Variants in RYR3 observed in about 807,000 individuals in gnomAD.
The protein encoded by RYR3 is brain ryanodine receptor-calcium release channel.
A neutral mutation model predicts 584.3 loss-of-function variants in RYR3; 207 were observed. That is an observed-to-expected ratio of 0.35 (90% confidence interval 0.32 to 0.40). RYR3 has a LOEUF of 0.40. Among genes scored for constraint, RYR3 ranks in the 10% least tolerant of loss-of-function variants. The pLI is 1.00. For synonymous variants in RYR3, 2,416 were observed against 2,248.5 expected (o/e 1.07, Z -2.11); for missense variants, 5,616 against 6,089.2 (o/e 0.92, Z 2.59).
intron 3 of RYR3, among the ~76,000 whole-genome samples, chr15:33,523,044 G>T (rs1227748404): frequency 6.6e-6 from 1 of 152,138 alleles, no homozygotes; most frequent in African/African-American, 2.4e-5. Flanking sequence ...AAGCCAGCTG[G>T]GCTTCTGGGT....
intron 67 of RYR3, among the ~76,000 whole-genome samples, chr15:33,793,358 C>T (rs1330761565): frequency 2.6e-5 from 4 of 152,118 alleles, no homozygotes; most frequent in Non-Finnish European, 4.4e-5. Context: ...AGACTGAACT[C>T]AATCTTCAGC....
At chr15:33,862,647 GTCACCCA>G (rs1888754982) in intron 102 of RYR3, among the ~76,000 whole-genome samples, 1 of 152,136 alleles carries the variant, frequency 6.6e-6, no homozygotes, top group Non-Finnish European at 1.5e-5. Flanking sequence ...GACAGTCTCT[GTCACCCA>G]GGCTGAAGTG....
chr15:33,589,822 T>A (rs2059037109), intron 16 of RYR3, among the ~76,000 whole-genome samples: 1 of 152,234 alleles, frequency 6.6e-6, no homozygotes, highest in African/African-American at 2.4e-5. Flanking sequence ...TTGATCCATG[T>A]GTCTATTTTT....
chr15:33,313,188 C>G (rs1035002439), intron 1 of RYR3, among the ~76,000 whole-genome samples: 1 of 152,114 alleles, frequency 6.6e-6, no homozygotes, highest in Non-Finnish European at 1.5e-5. Context: ...CTATGAGGCA[C>G]CTTAACATCT....
chr15:33,844,164 A>G (rs10519884), intron 92 of RYR3, among the ~76,000 whole-genome samples: 7,135 of 152,250 alleles, frequency 0.047, 230 homozygotes, highest in Non-Finnish European at 0.067. Context: ...ACTTAAAACC[A>G]CCAATCTAAT....
At chr15:33,847,866 G>A (rs578227676) in intron 93 of RYR3, among the ~76,000 whole-genome samples, 2 of 152,244 alleles carry the variant, frequency 1.3e-5, no homozygotes, top group East Asian at 3.9e-4. Context: ...TACATTGAAG[G>A]GAGTTGGAAC....
intron 1 of RYR3, among the ~76,000 whole-genome samples, chr15:33,317,902 C>T (rs567502310): frequency 6.6e-6 from 1 of 152,262 alleles, no homozygotes; most frequent in East Asian, 1.9e-4. Context: ...TCACCTTCCA[C>T]CTCCCTATAC....
At chr15:33,345,681 TGTG>T (rs1250919484) in intron 1 of RYR3, among the ~76,000 whole-genome samples, 3 of 151,966 alleles carry the variant, frequency 2.0e-5, no homozygotes, top group Non-Finnish European at 4.4e-5. Context: ...AGGAGAAGAG[TGTG>T]ACGCTCTCCA....
intron 1 of RYR3, among the ~76,000 whole-genome samples, chr15:33,346,256 G>A (rs1294081433): frequency 6.6e-6 from 1 of 152,180 alleles, no homozygotes; most frequent in Non-Finnish European, 1.5e-5. Flanking sequence ...CTGAGAGGGA[G>A]TTGGTCACAA....
At chr15:33,681,743 G>T (rs1056508633) in intron 38 of RYR3, among the ~76,000 whole-genome samples, 6 of 152,084 alleles carry the variant, frequency 3.9e-5, no homozygotes, top group African/African-American at 1.4e-4. Context: ...ATTATAAATT[G>T]CTTTCTAAGT....
chr15:33,736,920 T>A (rs568595765), intron 49 of RYR3, among the ~76,000 whole-genome samples: 89 of 152,170 alleles, frequency 5.8e-4, no homozygotes, highest in African/African-American at 2.0e-3. Flanking sequence ...AGCTAATTTT[T>A]GTGTGTTTGT....
chr15:33,773,178 A>G (rs942448913), intron 63 of RYR3, among the ~76,000 whole-genome samples: 18 of 152,230 alleles, frequency 1.2e-4, no homozygotes, highest in Admixed American at 1.2e-3. Flanking sequence ...CAAAGGAAGG[A>G]AATATTGCCC....
rs373854502 is a variant in RYR3 at position 33,810,496 on chromosome 15, G to A, written c.10044G>A (p.Gln3348=). 1.2e-6 allele frequency: 2 copies of A among 1,613,930 alleles called. No individual in the cohort carries two copies. Among genetic ancestry groups the A allele is most frequent in the African/African-American group, 1.3e-5 (1 of 74,936 alleles). The change falls in exon 71 of 104, where the codon CAG becomes CAA. Residue 3348 remains glutamine, a synonymous_variant. Coordinates refer to ENST00000634891, the MANE Select transcript of RYR3 (RefSeq NM_001036.6). ...AMQVKSGGQD[Q]ERKKTKRRGD... is the part of the protein sequence containing the mutation. The stretch of plus-strand genomic sequence containing the variant: ...TCTCCTAGTCTGGAGGACAAGACCA[G>A]GAGCGGAAGAAGACAAAGCGGCGGG...
chr15:33,748,043 C>T, intron 53 of RYR3, 71 bp from the exon 54 acceptor site: 1 of 1,467,666 alleles, frequency 6.8e-7, no homozygotes, highest in Non-Finnish European at 9.5e-7. Context: ...ATGCACCTTC[C>T]ATGCGGAGAT....
At position 33,705,644 on chromosome 15, in the gene RYR3, G is replaced by A. The variant is rs139293468; in HGVS notation, c.6484-1275G>A. Reference sequence around the variant, plus strand: ...TGTAAGATCCTAGCACAGAGATCTCGTGATAAGTGTCTGGTAACCTGGAAG... The same window carrying A: ...TGTAAGATCCTAGCACAGAGATCTCATGATAAGTGTCTGGTAACCTGGAAG... On this transcript the variant is annotated intron_variant, in intron 42 of 103. Coordinates refer to ENST00000634891, the MANE Select transcript of RYR3 (RefSeq NM_001036.6). Among the ~76,000 whole-genome samples, 318 of 152,338 alleles carry A rather than the reference G, an allele frequency of 2.1e-3. 2 individuals are homozygous for A. Among genetic ancestry groups the A allele is most frequent in the African/African-American group, 7.5e-3 (313 of 41,574 alleles).
intron 13 of RYR3, among the ~76,000 whole-genome samples, chr15:33,580,493 A>G (rs1349318516): frequency 2.0e-5 from 3 of 152,238 alleles, no homozygotes; most frequent in Non-Finnish European, 2.9e-5. Context: ...TGAAAAATGC[A>G]GATGCCTGGA....
At chr15:33,863,267 T>TCAAA (rs1414579722) in intron 102 of RYR3, among the ~76,000 whole-genome samples, 1 of 152,140 alleles carries the variant, frequency 6.6e-6, no homozygotes, top group African/African-American at 2.4e-5. Flanking sequence ...CCCCTACGTA[T>TCAAA]CAAACAGGAT....
chr15:33,795,541 T>G (rs1288469024), intron 67 of RYR3, among the ~76,000 whole-genome samples: 1 of 151,908 alleles, frequency 6.6e-6, no homozygotes, highest in Non-Finnish European at 1.5e-5. Flanking sequence ...ATTACACACA[T>G]GCGCCACTAC....
chr15:33,722,423 T>A (rs988358815), intron 43 of RYR3: 1 of 432,470 alleles, frequency 2.3e-6, no homozygotes, highest in Non-Finnish European at 4.1e-6. Flanking sequence ...AACAAACAGA[T>A]CCTGACCCAA....
Sources: allele counts gnomAD v4.1 joint callset (sites outside exome capture counted in the v4.1 genomes callset), GRCh38; gene constraint gnomAD v4.1.1; transcripts MANE v1.5; gene names NCBI Gene and HGNC (gene_info 2026-07-23, HGNC 2026-07-21).